The following METTL3 variants were observed in gnomAD, a reference collection of about 807,000 sequenced individuals.
METTL3 encodes the protein methyltransferase 3, N6-adenosine-methyltransferase complex catalytic subunit, also known as N(6)-adenosine-methyltransferase catalytic subunit METTL3.
A neutral mutation model predicts 64.3 loss-of-function variants in METTL3; 42 were observed. That is an observed-to-expected ratio of 0.65 (90% confidence interval 0.51 to 0.84). The LOEUF is 0.84. Ranked by LOEUF, METTL3 falls within the 40% of genes least tolerant of loss-of-function variation. METTL3 has a pLI of 0.00. For synonymous variants in METTL3, 256 were observed against 263.6 expected, an observed-to-expected ratio of 0.97 and a Z score of 0.28; for missense variants, 435 against 722.3, an observed-to-expected ratio of 0.60 and a Z score of 4.56.
At chr14:21,509,335 G>C (rs565016571) in intron 1 of METTL3, 4 of 152,146 alleles carry the variant, frequency 2.6e-5, no homozygotes, top group African/African-American at 9.6e-5. Context: ...GGGAGACCCT[G>C]TCTCTAACTA....
At chr14:21,510,750 A>C (rs1891813024) in intron 1 of METTL3, 2 of 228,570 alleles carry the variant, frequency 8.8e-6, no homozygotes, top group Non-Finnish European at 1.8e-5. Context: ...AACAGTCGTT[A>C]TAACTGAGGG....
At position 21,499,354 on chromosome 14, in the gene METTL3, A is replaced by G; in HGVS notation, c.1470T>C (p.Asn490=). The change falls in exon 9 of 11, where the codon AAT becomes AAC. Residue 490 remains asparagine, a synonymous_variant. Coordinates refer to ENST00000298717, the MANE Select transcript of METTL3 (RefSeq NM_019852.5). ...KEHCLVGVKG[N]PQGFNQGLDC... The stretch of plus-strand genomic sequence containing the variant: ...CCAGACCCTGGTTGAAGCCTTGGGG[A>G]TTTCCTTTGACACCAACCTGCTCAC... 2 of 1,614,136 alleles carry G rather than the reference A, an allele frequency of 1.2e-6. No homozygotes were observed. The highest frequency in any genetic ancestry group is 2.2e-5 in the South Asian group (2 of 91,078).
chr14:21,499,746 A>T lies in METTL3; in HGVS notation c.1343+18T>A. The T allele has an allele frequency of 1.2e-6, 2 of 1,611,710 alleles. No individual in the cohort carries two copies. Among genetic ancestry groups the T allele is most frequent in the South Asian group, 2.2e-5 (2 of 91,008 alleles). ...AACAGTATTACCCTCAAAAGAAAGC[A>T]ACACAACCACTACTTACCCCCAGAG... is the stretch of plus-strand genomic sequence containing the variant. On this transcript the variant is annotated intron_variant, in intron 7 of 10. Transcript: ENST00000298717.
chr14:21,508,084 G>C (rs1441543556), intron 1 of METTL3: 1 of 152,082 alleles, frequency 6.6e-6, no homozygotes, highest in Admixed American at 6.6e-5. Context: ...GCAAGGCCCT[G>C]TTTCTACAAA....
Position 21,501,885 on chromosome 14 carries a change from C to T in METTL3, c.742G>A (p.Glu248Lys), listed in dbSNP as rs1259596899. ...QSKKVSQEIL[E>K]LLNTTTAKEQ... Reference sequence around the variant, plus strand: ...TTGGCTGTTGTAGTATTTAATAGCTCTAGGATCTCCTGACTGACCTGTGAC... The same window carrying T: ...TTGGCTGTTGTAGTATTTAATAGCTTTAGGATCTCCTGACTGACCTGTGAC... Residue 248 changes from glutamate (E) to lysine (K), a missense_variant, in exon 4 of 11, where the codon GAG becomes AAG. By Grantham distance (56) the Glu-to-Lys change is moderately conservative (BLOSUM62 1). Transcript: ENST00000298717. 6.2e-7 allele frequency: 1 copy of T among 1,614,056 alleles called. No individual in the cohort carries two copies. The highest frequency in any genetic ancestry group is 1.3e-5 in the African/African-American group (1 of 75,030).
Position 21,500,901 on chromosome 14 carries a change from GCAGA to G in METTL3, c.1116+8_1116+11del. 1 of 1,609,540 alleles carries G rather than the reference GCAGA, an allele frequency of 6.2e-7. No individual in the cohort carries two copies. Among genetic ancestry groups the G allele is most frequent in the East Asian group, 2.2e-5 (1 of 44,748 alleles). ...CCGTAAGTTGAGACGAGTTTTCTGAGCAGACAGGTACCTGAGGTGGGAAGAGTCG... is the reference window on the plus strand; with the variant it reads ...CCGTAAGTTGAGACGAGTTTTCTGAGCAGGTACCTGAGGTGGGAAGAGTCG... On this transcript the variant is annotated splice_region_variant and intron_variant, in intron 5 of 10. Coordinates refer to ENST00000298717, the MANE Select transcript of METTL3 (RefSeq NM_019852.5).
Position 21,503,648 on chromosome 14 carries a change from T to A in METTL3, c.318+16A>T, listed in dbSNP as rs1331167432. Reference sequence around the variant, plus strand: ...CTGAAAATAAGTGGTAAATCCTAACTCTGTCAGGTCATTACCGTGGAGATG... The same window carrying A: ...CTGAAAATAAGTGGTAAATCCTAACACTGTCAGGTCATTACCGTGGAGATG... On this transcript the variant is annotated intron_variant, in intron 2 of 10. Coordinates refer to ENST00000298717, the MANE Select transcript of METTL3 (RefSeq NM_019852.5). The A allele has an allele frequency of 6.2e-7, 1 of 1,614,036 alleles. No homozygotes were observed. Among genetic ancestry groups the A allele is most frequent in the Non-Finnish European group, 8.5e-7 (1 of 1,179,884 alleles).
intron 1 of METTL3, among the ~76,000 whole-genome samples, chr14:21,509,041 TAA>T (rs1891766494): frequency 1.3e-5 from 2 of 151,770 alleles, no homozygotes; most frequent in South Asian, 4.2e-4. Context: ...AGCGGCTTTT[TAA>T]AAGTTAATTT....
chr14:21,500,656 C>T lies in METTL3; in HGVS notation c.1143G>A (p.Leu381=), dbSNP rs1891540387. ...PQWICCDIRY[L]DVSILGKFAV... ...CAAACTTGCCCAAGATACTGACGTC[C>T]AGGTAGCGGATATCACAACAGATCC... The change falls in exon 6 of 11, where the codon CTG becomes CTA. Residue 381 remains leucine, a synonymous_variant. Transcript: ENST00000298717. The T allele has an allele frequency of 6.2e-7, 1 of 1,613,888 alleles. No homozygotes were observed. Among genetic ancestry groups the T allele is most frequent in the Non-Finnish European group, 8.5e-7 (1 of 1,179,938 alleles).
intron 1 of METTL3, chr14:21,510,640 C>T (rs1423269589): frequency 6.5e-6 from 1 of 152,804 alleles, no homozygotes; most frequent in Non-Finnish European, 1.5e-5. Context: ...TCAGAAACAC[C>T]CAGTGCCACT....
At chr14:21,506,182 C>T (rs922795130) in intron 1 of METTL3, among the ~76,000 whole-genome samples, 1 of 151,830 alleles carries the variant, frequency 6.6e-6, no homozygotes, top group Non-Finnish European at 1.5e-5. Flanking sequence ...ATTAGGATGG[C>T]GCTTCCTCAA....
intron 3 of METTL3, chr14:21,502,237 C>A: frequency 4.6e-6 from 1 of 219,118 alleles, no homozygotes; most frequent in Non-Finnish European, 9.2e-6. Context: ...TTGCCCAGGC[C>A]GGTCTTGAAC....
At chr14:21,500,827 A>G in intron 5 of METTL3, 86 bp downstream of exon 5, 2 of 1,450,212 alleles carry the variant, frequency 1.4e-6, no homozygotes, top group Non-Finnish European at 1.9e-6. Context: ...AGATTGCTGA[A>G]TTATGCTCTG....
At chr14:21,510,835 G>C (rs1054404416) in intron 1 of METTL3, 9 of 378,104 alleles carry the variant, frequency 2.4e-5, no homozygotes, top group African/African-American at 1.9e-4. Context: ...GCCTCACAAA[G>C]GCGACGTCCT....
chr14:21,505,346 A>T (rs747749853), intron 1 of METTL3, among the ~76,000 whole-genome samples: 3 of 152,250 alleles, frequency 2.0e-5, no homozygotes, highest in Non-Finnish European at 4.4e-5. Context: ...AACCATGTTA[A>T]CATAAATATT....
At chr14:21,499,853 C>T in intron 6 of METTL3, 51 bp from the exon 7 acceptor site, 2 of 1,565,960 alleles carry the variant, frequency 1.3e-6, no homozygotes, top group Non-Finnish European at 1.8e-6. Context: ...TTTTTTTTCC[C>T]TTCAAAATAT....
intron 3 of METTL3, 36 bp downstream of exon 3, chr14:21,503,133 TTAAG>T: frequency 1.3e-6 from 2 of 1,560,618 alleles, no homozygotes; most frequent in Non-Finnish European, 1.7e-6. Flanking sequence ...AAAGCTATAA[TTAAG>T]AGCATATTGT....
At chr14:21,500,376 A>G in intron 6 of METTL3, 119 bp downstream of exon 6, 1 of 1,031,198 alleles carries the variant, frequency 9.7e-7, no homozygotes, top group South Asian at 1.5e-5. Flanking sequence ...AAAAAGAAAA[A>G]AAGACTAAAT....
At chr14:21,498,436 A>G in intron 10 of METTL3, 67 bp from the exon 11 acceptor site, 1 of 1,470,268 alleles carries the variant, frequency 6.8e-7, no homozygotes, top group Non-Finnish European at 9.4e-7. Flanking sequence ...ATTGTTAAAA[A>G]ATGCATACCA....
Sources: allele counts gnomAD v4.1 joint callset (sites outside exome capture counted in the v4.1 genomes callset), GRCh38; gene constraint gnomAD v4.1.1; transcripts MANE v1.5; gene names NCBI Gene and HGNC (gene_info 2026-07-23, HGNC 2026-07-21).